Variants in THADA observed in about 807,000 individuals in gnomAD.
THADA encodes the protein THADA armadillo repeat containing.
A neutral mutation model predicts 219.8 loss-of-function variants in THADA; 213 were observed. That is an observed-to-expected ratio of 0.97 (90% CI 0.87 to 1.09). The LOEUF (loss-of-function observed/expected upper bound fraction) is 1.09, where lower values mean the gene tolerates loss of function less well. Ranked by LOEUF, THADA falls within the 50% of genes least tolerant of loss-of-function variation. The pLI is 0.00. For missense variants in THADA, 2,956 were observed against 2,311.3 expected, an observed-to-expected ratio of 1.28 and a Z score of -5.72; for synonymous variants, 1,018 against 828.9, an observed-to-expected ratio of 1.23 and a Z score of -3.92.
At chr2:43,435,651 C>T (rs375344373) in intron 26 of THADA, among the ~76,000 whole-genome samples, 23 of 151,488 alleles carry the variant, frequency 1.5e-4, no homozygotes, top group African/African-American at 5.3e-4. Flanking sequence ...GTTGAGGTAG[C>T]ATCTGCCTGT....
rs951633873 is a variant in THADA, at chr2:43,540,704, T to A, written c.3264+455A>T. ...CCCAGATGGTGAACTAACTTTGTGG[T>A]CTTAAAACAAAAGTCAGCCAAAAAA... is the stretch of plus-strand genomic sequence containing the variant. On this transcript the variant is annotated intron_variant, in intron 21 of 37. Coordinates refer to ENST00000405975, the MANE Select transcript of THADA (RefSeq NM_022065.5). 3.3e-5 allele frequency among the ~76,000 whole-genome samples: 5 copies of A among 152,198 alleles called. No individual in the cohort carries two copies. The East Asian group carries it at 9.6e-4, about 29-fold the overall frequency.
intron 36 of THADA, among the ~76,000 whole-genome samples, chr2:43,272,623 CTTTTTTTTT>C (rs397871468): frequency 1.7e-5 from 2 of 120,304 alleles, no homozygotes; most frequent in African/African-American, 3.1e-5. Context: ...TGGTTTTGTG[CTTTTTTTTT>C]TTTTTTTTTT....
intron 7 of THADA, among the ~76,000 whole-genome samples, chr2:43,585,858 T>A (rs1265189926): frequency 3.3e-5 from 5 of 152,046 alleles, no homozygotes. Context: ...ATTTATTAAA[T>A]TTTTAATTTT....
chr2:43,281,616 T>C (rs1399801158), intron 35 of THADA, among the ~76,000 whole-genome samples: 1 of 151,476 alleles, frequency 6.6e-6, no homozygotes. Flanking sequence ...TAATTTTGTA[T>C]TTTTAGTAGG....
intron 31 of THADA, among the ~76,000 whole-genome samples, chr2:43,313,695 A>G (rs748934049): frequency 4.5e-4 from 68 of 152,226 alleles, no homozygotes; most frequent in Non-Finnish European, 7.8e-4. Flanking sequence ...GCCCCATAAA[A>G]GCCTGTGACG....
At chr2:43,595,014 A>G (rs1235537117) in intron 1 of THADA, among the ~76,000 whole-genome samples, 1 of 152,264 alleles carries the variant, frequency 6.6e-6, no homozygotes, top group Non-Finnish European at 1.5e-5. Flanking sequence ...TGAAGGCAGC[A>G]ACTTTAATCT....
chr2:43,546,838 G>C (rs1183524899), intron 20 of THADA, among the ~76,000 whole-genome samples: 2 of 152,178 alleles, frequency 1.3e-5, no homozygotes, highest in Non-Finnish European at 1.5e-5. Flanking sequence ...TTGCCAGCCT[G>C]TGTCTTTCAA....
chr2:43,336,543 G>A (rs890658995), intron 30 of THADA, among the ~76,000 whole-genome samples: 12 of 151,952 alleles, frequency 7.9e-5, no homozygotes, highest in Non-Finnish European at 1.5e-4. Flanking sequence ...AAGTGCTGGG[G>A]TAACAAGTAT....
intron 31 of THADA, 114 bp from the exon 32 acceptor site, chr2:43,293,327 A>C (rs1558532467): frequency 8.2e-7 from 1 of 1,218,310 alleles, no homozygotes; most frequent in Non-Finnish European, 1.1e-6. Context: ...GTCTCCCATA[A>C]GCAGATTTCA....
rs182912987 is a variant in THADA at position 43,510,839 on chromosome 2, C to T, written c.3375-2059G>A. Among the ~76,000 whole-genome samples, 948 of 151,476 alleles carry T rather than the reference C, an allele frequency of 6.3e-3. 4 individuals are homozygous for T. The highest frequency in any genetic ancestry group is 0.011 in the South Asian group (54 of 4,792). ...TACAAAAATTAGCCAGGTGTGGTGG[C>T]GGGCACCTGTAATCCCAGCTACTCG... On this transcript the variant is annotated intron_variant, in intron 22 of 37. Transcript: ENST00000405975.
chr2:43,242,284 G>A (rs563048918), intron 36 of THADA, among the ~76,000 whole-genome samples: 12 of 152,174 alleles, frequency 7.9e-5, no homozygotes, highest in Admixed American at 4.6e-4. Flanking sequence ...ATTTACTTGT[G>A]ACTTGCATTT....
intron 31 of THADA, among the ~76,000 whole-genome samples, chr2:43,305,991 GTCTT>G (rs1382697348): frequency 9.5e-6 from 1 of 104,836 alleles, no homozygotes; most frequent in Non-Finnish European, 1.7e-5. Flanking sequence ...CTCTCTCTCT[GTCTT>G]TCTTTTTTTG....
chr2:43,292,358 A>G (rs1558529901), intron 32 of THADA, 136 bp from the exon 33 acceptor site: 1 of 595,022 alleles, frequency 1.7e-6, no homozygotes, highest in Non-Finnish European at 2.9e-6. Flanking sequence ...TATTTCCCCC[A>G]TAATACCTTT....
intron 18 of THADA, 105 bp downstream of exon 18, chr2:43,552,099 C>T (rs1696819477): frequency 1.3e-6 from 2 of 1,519,494 alleles, no homozygotes; most frequent in South Asian, 2.6e-5. Context: ...CAATTTTATT[C>T]AAAGCAATAG....
chr2:43,542,247 T>A (rs186744109), intron 20 of THADA, among the ~76,000 whole-genome samples: 4 of 152,128 alleles, frequency 2.6e-5, no homozygotes, highest in African/African-American at 9.7e-5. Flanking sequence ...TAAGTGTACA[T>A]ACACATAAAC....
intron 36 of THADA, among the ~76,000 whole-genome samples, chr2:43,261,818 G>GT (rs1313924999): frequency 1.3e-5 from 2 of 152,114 alleles, no homozygotes; most frequent in East Asian, 3.9e-4. Flanking sequence ...TGTATTTTTA[G>GT]TAGAGACGGG....
Position 43,428,139 on chromosome 2 carries a change from G to C in THADA, c.4019C>G (p.Ser1340Cys). 3 of 1,562,804 alleles carry C rather than the reference G, an allele frequency of 1.9e-6. No homozygotes were observed. The highest frequency in any genetic ancestry group is 2.6e-6 in the Non-Finnish European group (3 of 1,138,882). Reference protein sequence around the residue: ...LYASPMDGTSSALSMGPFVPF... With the variant: ...LYASPMDGTSCALSMGPFVPF... ...AACAAAAGGTCCCATGCTGAGAGCA[G>C]AAGAAGTACCATCCATCGGGGAAGC... Residue 1340 changes from serine to cysteine, a missense_variant, in exon 28 of 38, where the codon TCT (serine) becomes TGT (cysteine). By Grantham distance (112) the Ser-to-Cys change is moderately radical. Transcript: ENST00000405975.
At chr2:43,496,859 G>C (rs1208732956) in intron 25 of THADA, among the ~76,000 whole-genome samples, 1 of 152,082 alleles carries the variant, frequency 6.6e-6, no homozygotes, top group Non-Finnish European at 1.5e-5. Flanking sequence ...ATTCATTGCA[G>C]CATTATTCAT....
intron 36 of THADA, among the ~76,000 whole-genome samples, chr2:43,238,027 G>A (rs1000989581): frequency 1.2e-4 from 18 of 146,134 alleles, no homozygotes; most frequent in Non-Finnish European, 2.6e-4. Flanking sequence ...GCTGAGGCAG[G>A]AGAGTTGCTT....
Sources: gnomAD v4.1 joint callset for allele counts (sites outside exome capture counted in the v4.1 genomes callset) on GRCh38, gnomAD v4.1.1 for gene constraint, MANE v1.5 for transcripts, NCBI Gene and HGNC (gene_info 2026-07-23, HGNC 2026-07-21) for gene names.